The following CKAP5 variants were observed in gnomAD, a reference collection of about 807,000 sequenced individuals.
CKAP5 encodes cytoskeleton-associated protein 5.
A neutral mutation model predicts 232.8 loss-of-function variants in CKAP5; 27 were observed. That is an observed-to-expected ratio of 0.12 (90% CI 0.09 to 0.16). The LOEUF (loss-of-function observed/expected upper bound fraction) is 0.16. Among genes scored for constraint, CKAP5 ranks in the 10% least tolerant of loss-of-function variants. CKAP5 has a pLI of 1.00. For missense variants in CKAP5, 1,838 were observed against 2,424.7 expected (o/e 0.76, Z 5.08); for synonymous variants, 785 against 841.1 (o/e 0.93, Z 1.16).
rs2065290502 is a variant in CKAP5 at position 46,776,305 on chromosome 11, C to T, written c.2941G>A (p.Glu981Lys). 6.2e-7 allele frequency: 1 copy of T among 1,613,918 alleles called. No individual in the cohort carries two copies. The highest frequency in any genetic ancestry group is 1.3e-5 in the African/African-American group (1 of 74,930). Residue 981 changes from glutamate (E) to lysine (K), a missense_variant, in exon 24 of 44, where the codon GAA becomes AAA. Physicochemically the swap from Glu to Lys is moderately conservative, Grantham distance 56 (BLOSUM62 1). Coordinates refer to ENST00000529230, the MANE Select transcript of CKAP5 (RefSeq NM_001008938.4). Reference protein sequence around the residue: ...QTGMKEWLEGEDLSEELKKEN... With the variant: ...QTGMKEWLEGKDLSEELKKEN... ...TTTTTGAGCTCTTCAGAAAGATCTT[C>T]TCCTTCCAGCCATTCCTTCATGCCA...
At chr11:46,749,342 C>T (rs535940374) in intron 42 of CKAP5, among the ~76,000 whole-genome samples, 197 of 150,966 alleles carry the variant, frequency 1.3e-3, no homozygotes, top group Non-Finnish European at 2.5e-3. Context: ...GTGGTTCCAG[C>T]TACTCAAGAG....
At chr11:46,787,312 A>G (rs999898758) in intron 16 of CKAP5, among the ~76,000 whole-genome samples, 1 of 152,224 alleles carries the variant, frequency 6.6e-6, no homozygotes, top group Non-Finnish European at 1.5e-5. Context: ...TAGACAGAAA[A>G]CAAGAGGTGG....
chr11:46,776,432 G>C (rs1476696486), intron 23 of CKAP5, 49 bp from the exon 24 acceptor site: 2 of 1,514,790 alleles, frequency 1.3e-6, no homozygotes, highest in Admixed American at 3.8e-5. Flanking sequence ...ACAGTTTGGA[G>C]GTAGGGGGTG....
At chr11:46,762,379 A>C (rs967479905) in intron 31 of CKAP5, 186 bp from the exon 32 acceptor site, 4 of 862,474 alleles carry the variant, frequency 4.6e-6, no homozygotes, top group Non-Finnish European at 7.9e-6. Flanking sequence ...TCCTGAAAGG[A>C]AGAGATGCCT....
chr11:46,792,820 C>T (rs1458910497), intron 13 of CKAP5, among the ~76,000 whole-genome samples: 1 of 152,146 alleles, frequency 6.6e-6, no homozygotes, highest in African/African-American at 2.4e-5. Flanking sequence ...AATCTGGACA[C>T]ATCTTTTAAG....
Position 46,758,741 on chromosome 11 carries a change from A to G in CKAP5, c.4689+182T>C, listed in dbSNP as rs189386039. 529 of 572,220 alleles carry G rather than the reference A, an allele frequency of 9.2e-4. 3 individuals are homozygous for G. Among genetic ancestry groups the G allele is most frequent in the African/African-American group, 9.2e-3 (469 of 51,196 alleles). The allele number at this position is 572,220 out of a possible 1,614,324, so 35.4% of individuals were successfully genotyped here. A position where few individuals can be genotyped will look rare whatever the true frequency, so the allele number is the denominator to read the frequency against. The stretch of plus-strand genomic sequence containing the variant: ...AAAAAAAAAAAAAAAATAAGGCTCT[A>G]TTAGAGTCACATCCTCTGAGGCAAG... On this transcript the variant is annotated intron_variant, in intron 35 of 43. Coordinates refer to ENST00000529230, the MANE Select transcript of CKAP5 (RefSeq NM_001008938.4).
chr11:46,838,617 CAAAAAAAAAAAA>C (rs56117525), intron 1 of CKAP5, among the ~76,000 whole-genome samples: 28 of 45,050 alleles, frequency 6.2e-4, no homozygotes, highest in Admixed American at 1.4e-3. Flanking sequence ...CTTGCCTCTT[CAAAAAAAAAAAA>C]AAAAAAAAAA....
chr11:46,803,317 GAC>G (rs1415512592), intron 8 of CKAP5, among the ~76,000 whole-genome samples: 1 of 151,142 alleles, frequency 6.6e-6, no homozygotes, highest in Non-Finnish European at 1.5e-5. Context: ...TTTTTTTTGA[GAC>G]AGAGTCTGGC....
At chr11:46,845,873 G>A (rs1940176753) in intron 1 of CKAP5, among the ~76,000 whole-genome samples, 1 of 152,152 alleles carries the variant, frequency 6.6e-6, no homozygotes, top group Non-Finnish European at 1.5e-5. Flanking sequence ...AGCAGGGCCG[G>A]CTCTCGGGGC....
chr11:46,768,077 T>G (rs2065218104), intron 26 of CKAP5, among the ~76,000 whole-genome samples: 1 of 152,144 alleles, frequency 6.6e-6, no homozygotes, highest in African/African-American at 2.4e-5. Flanking sequence ...ATTACAGGCG[T>G]GAGTCACTGT....
At chr11:46,798,937 C>T (rs762236093) in intron 9 of CKAP5, among the ~76,000 whole-genome samples, 3 of 152,184 alleles carry the variant, frequency 2.0e-5, no homozygotes, top group East Asian at 3.8e-4. Flanking sequence ...AAGTCATTTC[C>T]TTTCATGAAG....
At chr11:46,831,762 G>C (rs1459108625) in intron 1 of CKAP5, among the ~76,000 whole-genome samples, 1 of 151,174 alleles carries the variant, frequency 6.6e-6, no homozygotes, top group Non-Finnish European at 1.5e-5. Flanking sequence ...GAACTCCCAG[G>C]CTCAAGCAGT....
At chr11:46,760,416 T>C (rs2065144423) in intron 33 of CKAP5, 196 bp downstream of exon 33, 1 of 690,216 alleles carries the variant, frequency 1.4e-6, no homozygotes, top group Non-Finnish European at 2.6e-6. Context: ...CAAGACCATT[T>C]AGAAGTGGTT....
intron 42 of CKAP5, among the ~76,000 whole-genome samples, chr11:46,747,224 C>T (rs1018933695): frequency 6.6e-6 from 1 of 152,178 alleles, no homozygotes; most frequent in African/African-American, 2.4e-5. Flanking sequence ...AGATGCTGAA[C>T]AATTAACCTA....
At chr11:46,792,886 T>G (rs536952069) in intron 13 of CKAP5, among the ~76,000 whole-genome samples, 1 of 151,960 alleles carries the variant, frequency 6.6e-6, no homozygotes, top group African/African-American at 2.4e-5. Context: ...AAGGAGAAAA[T>G]AGCTGCCGAT....
intron 13 of CKAP5, among the ~76,000 whole-genome samples, chr11:46,793,061 C>A (rs934665214): frequency 2.0e-5 from 3 of 152,120 alleles, no homozygotes; most frequent in Non-Finnish European, 4.4e-5. Context: ...GAGGATCAAG[C>A]AGTGACAAGA....
intron 37 of CKAP5, 67 bp from the exon 38 acceptor site, chr11:46,752,777 G>C (rs2065079580): frequency 8.2e-7 from 1 of 1,216,368 alleles, no homozygotes; most frequent in Non-Finnish European, 1.2e-6. Context: ...ATCAGCAGTT[G>C]AAAGGGCAAG....
At chr11:46,820,135 A>C (rs1446217696) in intron 2 of CKAP5, among the ~76,000 whole-genome samples, 2 of 152,180 alleles carry the variant, frequency 1.3e-5, no homozygotes, top group Non-Finnish European at 2.9e-5. Context: ...CTACCAAAAA[A>C]AGCATTATAG....
intron 42 of CKAP5, among the ~76,000 whole-genome samples, chr11:46,748,828 G>GT (rs1214314692): frequency 2.0e-5 from 3 of 151,534 alleles, no homozygotes; most frequent in Admixed American, 6.6e-5. Flanking sequence ...CAGGACTTTA[G>GT]TTTTTTTGTT....
Sources: allele counts gnomAD v4.1 joint callset (sites outside exome capture counted in the v4.1 genomes callset), GRCh38; gene constraint gnomAD v4.1.1; transcripts MANE v1.5; gene names NCBI Gene and HGNC (gene_info 2026-07-23, HGNC 2026-07-21).